Variants in MLANA observed in about 807,000 individuals in gnomAD.
The protein encoded by MLANA is melan-A.
A neutral mutation model predicts 15.7 loss-of-function variants in MLANA; 21 were observed. The observed-to-expected ratio is 1.33, with a 90% CI of 0.95 to 1.92. The LOEUF (loss-of-function observed/expected upper bound fraction) is 1.92. Ranked by LOEUF, MLANA falls within the 40% of genes most tolerant of loss-of-function variation. MLANA has a pLI of 0.00. For missense variants in MLANA, 164 were observed against 143.8 expected (o/e 1.14, Z -0.72); for synonymous variants, 56 against 51.5 (o/e 1.09, Z -0.37).
intron 3 of MLANA, chr9:5,898,166 C>T (rs1832162071): frequency 6.5e-6 from 1 of 153,412 alleles, no homozygotes; most frequent in Non-Finnish European, 1.4e-5. Context: ...GTCTCAGCCT[C>T]CAGAGTAGCT....
rs1250667949 is a variant in MLANA, at chr9:5,910,157, G to A, written c.*1449G>A. 6.6e-6 allele frequency: 1 copy of A among 152,152 alleles called. No individual in the cohort carries two copies. Among genetic ancestry groups the A allele is most frequent in the Non-Finnish European group, 1.5e-5 (1 of 68,038 alleles). The allele number at this position is 152,152 out of a possible 1,614,324, so 9.4% of individuals were successfully genotyped here. A position where few individuals can be genotyped will look rare whatever the true frequency, so the allele number is the denominator to read the frequency against. The stretch of plus-strand genomic sequence containing the variant: ...TTAAAGGCTGTCTTTGACATAACTG[G>A]AAGGCTTACAAGAGTTTTAAAGAAA... On this transcript the variant is annotated 3_prime_UTR_variant, in exon 5 of 5. Transcript: ENST00000381477.
At chr9:5,895,256 C>T (rs538328316) in intron 2 of MLANA, among the ~76,000 whole-genome samples, 10 of 152,192 alleles carry the variant, frequency 6.6e-5, no homozygotes, top group African/African-American at 1.2e-4. Flanking sequence ...TGAAGGAGAT[C>T]GGTCCAGAAA....
intron 2 of MLANA, among the ~76,000 whole-genome samples, chr9:5,896,598 A>G (rs1218260515): frequency 6.6e-6 from 1 of 152,222 alleles, no homozygotes; most frequent in Non-Finnish European, 1.5e-5. Context: ...TCAGCTCTGC[A>G]GAAACTTTCT....
At position 5,897,141 on chromosome 9, in the gene MLANA, C is replaced by T. The variant is rs1319326829; in HGVS notation, c.78-416C>T. ...AATGAATGTTTAGCACAGCACCTGGCTTTTAGTAGATGAGTCAGTGTTAAT... is the reference window on the plus strand; with the variant it reads ...AATGAATGTTTAGCACAGCACCTGGTTTTTAGTAGATGAGTCAGTGTTAAT... On this transcript the variant is annotated intron_variant, in intron 2 of 4. Transcript: ENST00000381477. Among the ~76,000 whole-genome samples, 5 of 152,190 alleles carry T rather than the reference C, an allele frequency of 3.3e-5. No individual in the cohort carries two copies. The East Asian group carries it at 9.6e-4, about 29-fold the overall frequency.
At chr9:5,896,314 C>G (rs974991035) in intron 2 of MLANA, among the ~76,000 whole-genome samples, 9 of 152,204 alleles carry the variant, frequency 5.9e-5, no homozygotes, top group Non-Finnish European at 1.3e-4. Context: ...GAATGGTAGT[C>G]ACTATGGTTA....
Position 5,908,725 on chromosome 9 carries a change from T to G in MLANA, c.*17T>G, listed in dbSNP as rs1023422953. ...TCACCTTAAGAGCCAGCGAGACACCTGAGACATGCTGAAATTATTTCTCTC... is the reference window on the plus strand; with the variant it reads ...TCACCTTAAGAGCCAGCGAGACACCGGAGACATGCTGAAATTATTTCTCTC... On this transcript the variant is annotated 3_prime_UTR_variant, in exon 5 of 5. Coordinates refer to ENST00000381477, the MANE Select transcript of MLANA (RefSeq NM_005511.2). The G allele has an allele frequency of 6.2e-7, 1 of 1,601,344 alleles. No individual in the cohort carries two copies. Among genetic ancestry groups the G allele is most frequent in the Admixed American group, 1.7e-5 (1 of 59,904 alleles).
chr9:5,904,810 G>A (rs534535918), intron 3 of MLANA, among the ~76,000 whole-genome samples: 20 of 146,592 alleles, frequency 1.4e-4, no homozygotes, highest in African/African-American at 5.1e-4. Context: ...GTCTCACTCC[G>A]TTGCCCAGGC....
At position 5,908,686 on chromosome 9, in the gene MLANA, C is replaced by CA; in HGVS notation, c.336dup (p.Pro113ThrfsTer17). ...TATGAGAAACTCTCTGCAGAACAGT[C>CA]ACCACCACCTTATTCACCTTAAGAG... On this transcript the variant is annotated frameshift_variant, in exon 5 of 5. Coordinates refer to ENST00000381477, the MANE Select transcript of MLANA (RefSeq NM_005511.2). LOFTEE classifies it high-confidence loss of function. 1 of 1,614,056 alleles carries CA rather than the reference C, an allele frequency of 6.2e-7. No homozygotes were observed. The highest frequency in any genetic ancestry group is 8.5e-7 in the Non-Finnish European group (1 of 1,179,954).
intron 3 of MLANA, among the ~76,000 whole-genome samples, chr9:5,903,864 T>C (rs978953199): frequency 2.1e-5 from 3 of 143,734 alleles, no homozygotes; most frequent in African/African-American, 5.0e-5. Context: ...ATGCACTTAC[T>C]TTTTTTTTTT....
chr9:5,893,915 G>A (rs927645008), intron 2 of MLANA, among the ~76,000 whole-genome samples: 5 of 122,466 alleles, frequency 4.1e-5, no homozygotes, highest in Non-Finnish European at 6.6e-5. Context: ...CCCGCCCCCC[G>A]CCCCGTGGCA....
At chr9:5,897,772 G>C in intron 3 of MLANA, 119 bp downstream of exon 3, 4 of 862,250 alleles carry the variant, frequency 4.6e-6, no homozygotes, top group East Asian at 5.0e-5. Flanking sequence ...CTCTGATTCC[G>C]GCTTCTGATG....
intron 3 of MLANA, chr9:5,898,907 G>T (rs1054086195): frequency 4.6e-5 from 7 of 152,154 alleles, no homozygotes; most frequent in Non-Finnish European, 1.0e-4. Context: ...TTCTTAGATG[G>T]CCAAAGGTTT....
At chr9:5,908,599 A>T in intron 4 of MLANA, 41 bp from the exon 5 acceptor site, 1 of 1,527,224 alleles carries the variant, frequency 6.5e-7, no homozygotes, top group Non-Finnish European at 9.1e-7. Context: ...AAACACATAC[A>T]CTGTTGCCAA....
chr9:5,907,074 T>A, intron 4 of MLANA, 76 bp downstream of exon 4: 2 of 1,026,208 alleles, frequency 1.9e-6, no homozygotes, highest in East Asian at 2.8e-5. Flanking sequence ...TATTTCCATT[T>A]AAAAAGCAAG....
chr9:5,898,422 T>C (rs1221073815), intron 3 of MLANA, among the ~76,000 whole-genome samples: 1 of 152,214 alleles, frequency 6.6e-6, no homozygotes, highest in Non-Finnish European at 1.5e-5. Flanking sequence ...AATCCATTCA[T>C]GAGGACAGAG....
Position 5,894,125 on chromosome 9 carries a change from A to G in MLANA, c.77+1574A>G, listed in dbSNP as rs1831849896. ...ATCCCATCCGACGAGAGGCTAGGGC[A>G]GAGGTCAGTATCTCTCAGTGTGAAG... On this transcript the variant is annotated intron_variant, in intron 2 of 4. Coordinates refer to ENST00000381477, the MANE Select transcript of MLANA (RefSeq NM_005511.2). The surrounding 1 kb of genome is among the most constrained non-coding windows in gnomAD (Gnocchi z 4.0). Among the ~76,000 whole-genome samples, 1 of 152,156 alleles carries G rather than the reference A, an allele frequency of 6.6e-6. No homozygotes were observed.
chr9:5,901,506 G>A (rs1444199339), intron 3 of MLANA, among the ~76,000 whole-genome samples: 1 of 152,124 alleles, frequency 6.6e-6, no homozygotes. Context: ...TGATGTATCA[G>A]AATAATTCAT....
chr9:5,894,434 G>A lies in MLANA; in HGVS notation c.77+1883G>A, dbSNP rs1586919760. On this transcript the variant is annotated intron_variant, in intron 2 of 4. Coordinates refer to ENST00000381477, the MANE Select transcript of MLANA (RefSeq NM_005511.2). The surrounding 1 kb of genome is among the most constrained non-coding windows in gnomAD (Gnocchi z 4.0). ...GAATGCTGCTTCTACCCCCGTGTCT[G>A]GGGTAACAAACGGAAGGGTGAGGCC... Among the ~76,000 whole-genome samples, 1 of 152,180 alleles carries A rather than the reference G, an allele frequency of 6.6e-6. No homozygotes were observed. Among genetic ancestry groups the A allele is most frequent in the Admixed American group, 6.5e-5 (1 of 15,274 alleles).
At chr9:5,908,238 A>C (rs1255239324) in intron 4 of MLANA, among the ~76,000 whole-genome samples, 2 of 152,212 alleles carry the variant, frequency 1.3e-5, no homozygotes, top group African/African-American at 2.4e-5. Flanking sequence ...TTCTGGATAC[A>C]ATATCCTCTT....
Sources: gnomAD v4.1 joint callset for allele counts (sites outside exome capture counted in the v4.1 genomes callset) on GRCh38, gnomAD v4.1.1 for gene constraint, Gnocchi (gnomAD v3.1) non-coding constraint, MANE v1.5 for transcripts, NCBI Gene and HGNC (gene_info 2026-07-23, HGNC 2026-07-21) for gene names.